RFTN2: variants seen among roughly 807,000 people sequenced by gnomAD.
The protein encoded by RFTN2 is raftlin-2.
RFTN2 carries 34 observed loss-of-function variants against 52.7 expected under a neutral mutation model. The ratio of observed to expected loss-of-function variants is 0.64; its 90% CI spans 0.49 to 0.86. The LOEUF is 0.86. Among genes scored for constraint, RFTN2 ranks in the 40% least tolerant of loss-of-function variants. The pLI, the probability that RFTN2 is intolerant of heterozygous loss-of-function variation, is 0.00. For synonymous variants in RFTN2, 203 were observed against 217.7 expected, an observed-to-expected ratio of 0.93 and a Z score of 0.59; for missense variants, 536 against 600.1, an observed-to-expected ratio of 0.89 and a Z score of 1.12.
intron 1 of RFTN2, among the ~76,000 whole-genome samples, chr2:197,668,987 T>C (rs562915294): frequency 1.3e-5 from 2 of 152,330 alleles, no homozygotes; most frequent in South Asian, 2.1e-4. Flanking sequence ...TGATCCCAAC[T>C]GAACAGGCTG....
At chr2:197,572,432 A>C in intron 8 of RFTN2, 152 bp from the exon 9 acceptor site, 1 of 686,984 alleles carries the variant, frequency 1.5e-6, no homozygotes. Flanking sequence ...GCTCAGAGCT[A>C]CCTCCACATT....
In RFTN2 at chr2:197,575,835, T is replaced by TG. The variant is rs1233063698; in HGVS notation, c.1234-3556_1234-3555insC. Among the ~76,000 whole-genome samples the TG allele has an allele frequency of 9.4e-4, 32 of 34,164 alleles. 1 individual carries two copies. The highest frequency in any genetic ancestry group is 2.3e-3 in the Non-Finnish European group (30 of 13,142). The allele number at this position is 34,164 out of a possible 152,430, so 22.4% of individuals were successfully genotyped here. ...CATAATATATATTCTATATATAATA[T>TG]ATTATATATATTTTATATACATAAT... is the stretch of plus-strand genomic sequence containing the variant. On this transcript the variant is annotated intron_variant, in intron 8 of 8. Transcript: ENST00000295049.
At chr2:197,578,030 T>C (rs775835138) in intron 8 of RFTN2, among the ~76,000 whole-genome samples, 7 of 152,154 alleles carry the variant, frequency 4.6e-5, no homozygotes, top group Non-Finnish European at 1.0e-4. Context: ...ATGCATTCAT[T>C]CTTGAATGAT....
At chr2:197,594,108 T>G (rs2087759390) in intron 8 of RFTN2, among the ~76,000 whole-genome samples, 1 of 148,630 alleles carries the variant, frequency 6.7e-6, no homozygotes, top group Non-Finnish European at 1.5e-5. Flanking sequence ...CTCTACCTCC[T>G]GGGTTCAAGC....
At chr2:197,599,781 A>G (rs891449568) in intron 7 of RFTN2, among the ~76,000 whole-genome samples, 1 of 152,174 alleles carries the variant, frequency 6.6e-6, no homozygotes, top group African/African-American at 2.4e-5. Flanking sequence ...GCACTGTCAA[A>G]CCTATCCCTC....
At chr2:197,591,213 T>C (rs1415475411) in intron 8 of RFTN2, among the ~76,000 whole-genome samples, 1 of 152,212 alleles carries the variant, frequency 6.6e-6, no homozygotes, top group Admixed American at 6.5e-5. Flanking sequence ...AGAGTGCTGA[T>C]TGGTGCATTC....
chr2:197,621,433 G>A (rs1457449724), intron 5 of RFTN2, among the ~76,000 whole-genome samples: 1 of 118,142 alleles, frequency 8.5e-6, no homozygotes, highest in African/African-American at 3.2e-5. Context: ...TTGAAGGTTT[G>A]TGGCAATCCT....
At chr2:197,643,218 G>T (rs1254613351) in intron 3 of RFTN2, among the ~76,000 whole-genome samples, 1 of 152,028 alleles carries the variant, frequency 6.6e-6, no homozygotes. Flanking sequence ...TGAGTACATG[G>T]TACTACAGGC....
In RFTN2 at chr2:197,617,804, A is replaced by G. The variant is rs1052148115; in HGVS notation, c.1046T>C (p.Ile349Thr). Residue 349 changes from isoleucine (I) to threonine (T), a missense_variant, in exon 6 of 9, where the codon ATT (isoleucine) becomes ACT (threonine). Coordinates refer to ENST00000295049, the MANE Select transcript of RFTN2 (RefSeq NM_144629.3). ...TGTCAGAAAACTGCAGCTCACCTCA[A>G]TAACAGTCCATTGTTCTACTACGAT... ...DAIVVEQWTVIEGCEIKTDYG... is the reference protein window; with the variant it reads ...DAIVVEQWTVTEGCEIKTDYG... The G allele has an allele frequency of 4.5e-6, 7 of 1,565,276 alleles. No individual in the cohort carries two copies. The highest frequency in any genetic ancestry group is 4.1e-5 in the African/African-American group (3 of 73,068).
intron 8 of RFTN2, among the ~76,000 whole-genome samples, chr2:197,582,737 T>G (rs1013768205): frequency 6.6e-6 from 1 of 152,234 alleles, no homozygotes; most frequent in African/African-American, 2.4e-5. Flanking sequence ...TCCTCCATCA[T>G]TAATGCCTCT....
intron 8 of RFTN2, among the ~76,000 whole-genome samples, chr2:197,573,652 A>T (rs1247347783): frequency 6.6e-6 from 1 of 152,260 alleles, no homozygotes; most frequent in Non-Finnish European, 1.5e-5. Context: ...AGTAACAAGG[A>T]GCCAAATGTT....
rs2087348924 is a variant in RFTN2, at chr2:197,573,250, T to A, written c.1234-970A>T. Among the ~76,000 whole-genome samples the A allele has an allele frequency of 2.6e-5, 4 of 152,202 alleles. No individual in the cohort carries two copies. In the South Asian group the frequency reaches 8.3e-4, roughly 32 times the overall value. ...TGGAACTTCCTAGAGACTTATTGAA[T>A]GGCTTTGATCGAAATGCTTATAGTG... On this transcript the variant is annotated intron_variant, in intron 8 of 8. Coordinates refer to ENST00000295049, the MANE Select transcript of RFTN2 (RefSeq NM_144629.3).
chr2:197,633,521 C>G (rs1488985010), intron 4 of RFTN2, among the ~76,000 whole-genome samples, 197 bp downstream of exon 4: 1 of 152,054 alleles, frequency 6.6e-6, no homozygotes, highest in African/African-American at 2.4e-5. Flanking sequence ...TATGTTCTGC[C>G]AGAGACAACT....
intron 5 of RFTN2, among the ~76,000 whole-genome samples, chr2:197,630,588 A>G (rs998627960): frequency 1.3e-5 from 2 of 152,222 alleles, no homozygotes; most frequent in African/African-American, 2.4e-5. Flanking sequence ...TTTTCTGTAC[A>G]AATTATAGAA....
chr2:197,607,506 A>AT (rs112619282), intron 7 of RFTN2, among the ~76,000 whole-genome samples: 1 of 148,710 alleles, frequency 6.7e-6, no homozygotes, highest in Non-Finnish European at 1.5e-5. Context: ...AATAATAATA[A>AT]AGCTTTCATT....
intron 8 of RFTN2, among the ~76,000 whole-genome samples, chr2:197,580,110 G>A (rs977076107): frequency 6.6e-6 from 1 of 151,684 alleles, no homozygotes; most frequent in Non-Finnish European, 1.5e-5. Flanking sequence ...AGACCCAGAG[G>A]GGGCAAAAAG....
chr2:197,628,420 T>G (rs541435386), intron 5 of RFTN2, among the ~76,000 whole-genome samples: 2 of 152,182 alleles, frequency 1.3e-5, no homozygotes, highest in South Asian at 4.1e-4. Context: ...CTTCTGAGGC[T>G]TTAAGAACAA....
chr2:197,589,785 C>G (rs2087669507), intron 8 of RFTN2, among the ~76,000 whole-genome samples: 1 of 152,234 alleles, frequency 6.6e-6, no homozygotes, highest in South Asian at 2.1e-4. Context: ...ATGAGTTTTT[C>G]TCTCCCAGTT....
chr2:197,625,718 C>CTT (rs1446914224), intron 5 of RFTN2, among the ~76,000 whole-genome samples: 75 of 139,066 alleles, frequency 5.4e-4, no homozygotes, highest in East Asian at 8.7e-4. Context: ...CCTCTCCTCT[C>CTT]CTCCCCTCCC....
Sources: allele counts gnomAD v4.1 joint callset (sites outside exome capture counted in the v4.1 genomes callset), GRCh38; gene constraint gnomAD v4.1.1; transcripts MANE v1.5; gene names NCBI Gene and HGNC (gene_info 2026-07-23, HGNC 2026-07-21).